ATG5: variants seen among roughly 807,000 people sequenced by gnomAD.
The protein encoded by ATG5 is autophagy related 5.
Under a neutral mutation model 36.5 loss-of-function variants are expected in ATG5, and 14 were observed. That is an observed-to-expected ratio of 0.38 (90% CI 0.25 to 0.60). The LOEUF (loss-of-function observed/expected upper bound fraction) is 0.60. Ranked by LOEUF, ATG5 falls within the 20% of genes least tolerant of loss-of-function variation. The probability of loss-of-function intolerance (pLI) is 0.60; values close to 1 mark genes in which losing one functional copy is unlikely to be tolerated. For synonymous variants in ATG5, 95 were observed against 101.5 expected (o/e 0.94, Z 0.38); for missense variants, 195 against 326.7 (o/e 0.60, Z 3.11).
At chr6:106,260,559 A>G (rs937544107) in intron 5 of ATG5, among the ~76,000 whole-genome samples, 6 of 152,208 alleles carry the variant, frequency 3.9e-5, no homozygotes, top group Non-Finnish European at 5.9e-5. Flanking sequence ...AAACGTGTTC[A>G]TTTTACCCCT....
At chr6:106,299,094 T>C (rs560199951) in intron 3 of ATG5, among the ~76,000 whole-genome samples, 1 of 152,328 alleles carries the variant, frequency 6.6e-6, no homozygotes, top group African/African-American at 2.4e-5. Flanking sequence ...GAAAAGCAAG[T>C]AGTAAGGATT....
At chr6:106,275,931 T>C (rs1299341859) in intron 5 of ATG5, among the ~76,000 whole-genome samples, 1 of 152,170 alleles carries the variant, frequency 6.6e-6, no homozygotes. Context: ...CCAACGACAA[T>C]ACATAAGTGA....
intron 5 of ATG5, among the ~76,000 whole-genome samples, chr6:106,277,158 A>G (rs534032313): frequency 1.1e-4 from 16 of 152,380 alleles, no homozygotes; most frequent in African/African-American, 3.6e-4. Context: ...TTGTAAAAGG[A>G]AAGTTTAACA....
At chr6:106,270,513 T>C (rs554823279) in intron 5 of ATG5, among the ~76,000 whole-genome samples, 2 of 152,366 alleles carry the variant, frequency 1.3e-5, no homozygotes, top group South Asian at 4.1e-4. Context: ...CATATTTCAT[T>C]GCTTTGTATG....
At chr6:106,269,703 G>A (rs1779375134) in intron 5 of ATG5, among the ~76,000 whole-genome samples, 1 of 152,206 alleles carries the variant, frequency 6.6e-6, no homozygotes. Context: ...CTCCGAGTGC[G>A]GGGTCCGCCA....
intron 3 of ATG5, among the ~76,000 whole-genome samples, chr6:106,298,918 G>T (rs1268742064): frequency 6.6e-6 from 1 of 152,096 alleles, no homozygotes; most frequent in Non-Finnish European, 1.5e-5. Context: ...TTACATCAAG[G>T]ATTTCAAAAG....
intron 1 of ATG5, among the ~76,000 whole-genome samples, chr6:106,321,429 G>A (rs1232379501): frequency 6.6e-6 from 1 of 151,778 alleles, no homozygotes; most frequent in Non-Finnish European, 1.5e-5. Context: ...CGCCATCTCG[G>A]CTCACTGCAA....
chr6:106,248,107 G>A lies in ATG5; in HGVS notation c.573+43C>T, dbSNP rs182866260. ...CTAGAGTGCTTCAATTAAGATGTCT[G>A]AGGCTTTCATAAATGGATGTTTTTT... On this transcript the variant is annotated intron_variant, in intron 6 of 7. Coordinates refer to ENST00000369076, the MANE Select transcript of ATG5 (RefSeq NM_004849.4). The A allele has an allele frequency of 2.3e-3, 3,361 of 1,447,886 alleles. 11 individuals are homozygous for A. Among genetic ancestry groups the A allele is most frequent in the Non-Finnish European group, 2.9e-3 (3,032 of 1,030,582 alleles). The allele number at this position is 1,447,886 out of a possible 1,614,324, so 89.7% of individuals were successfully genotyped here. A position where few individuals can be genotyped will look rare whatever the true frequency, so the allele number is the denominator to read the frequency against.
At chr6:106,292,019 G>C (rs553299975) in intron 4 of ATG5, among the ~76,000 whole-genome samples, 1 of 152,280 alleles carries the variant, frequency 6.6e-6, no homozygotes, top group Admixed American at 6.5e-5. Flanking sequence ...ACTATGAATG[G>C]ACACCCCGAT....
chr6:106,206,514 G>A (rs538032546), intron 6 of ATG5, among the ~76,000 whole-genome samples: 4 of 152,242 alleles, frequency 2.6e-5, no homozygotes, highest in Admixed American at 2.6e-4. Flanking sequence ...GCTGGGCATA[G>A]TTGTGGGCGC....
At chr6:106,223,221 T>C (rs983468111) in intron 6 of ATG5, among the ~76,000 whole-genome samples, 3 of 152,176 alleles carry the variant, frequency 2.0e-5, no homozygotes, top group African/African-American at 4.8e-5. Flanking sequence ...AAAAACAAAA[T>C]GGCAAATCAT....
chr6:106,198,869 A>C (rs1776308103), intron 7 of ATG5, among the ~76,000 whole-genome samples: 1 of 152,208 alleles, frequency 6.6e-6, no homozygotes, highest in Non-Finnish European at 1.5e-5. Flanking sequence ...GTATCTGATA[A>C]AGAACTTGTA....
At chr6:106,280,274 CA>C (rs71793771) in intron 4 of ATG5, among the ~76,000 whole-genome samples, 1,591 of 87,250 alleles carry the variant, frequency 0.018, 11 homozygotes, top group African/African-American at 0.048. Flanking sequence ...AGTATTATGT[CA>C]AAAAAAAAAA....
At position 106,293,052 on chromosome 6, in the gene ATG5, AG is replaced by A; in HGVS notation, c.290del (p.Pro97LeufsTer33). On this transcript the variant is annotated frameshift_variant, in exon 4 of 8. Transcript: ENST00000369076. LOFTEE classifies it high-confidence loss of function. ...FDLLASSSALPWNITVHFKSF... is the reference protein window; with the variant it reads ...FDLLASSSALXWNITVHFKSF... The stretch of plus-strand genomic sequence containing the variant: ...CCTTAAAATGTACTGTGATGTTCCA[AG>A]GAAGAGCTGAACTTGATGCAAGAAG... The A allele has an allele frequency of 6.2e-7, 1 of 1,613,634 alleles. No individual in the cohort carries two copies. Among genetic ancestry groups the A allele is most frequent in the East Asian group, 2.2e-5 (1 of 44,822 alleles).
intron 6 of ATG5, among the ~76,000 whole-genome samples, 157 bp downstream of exon 6, chr6:106,247,993 G>A (rs902348448): frequency 1.3e-5 from 2 of 152,094 alleles, no homozygotes; most frequent in African/African-American, 2.4e-5. Context: ...ATTTCAGTGC[G>A]GTATCTGACT....
At chr6:106,241,323 T>C (rs189831718) in intron 6 of ATG5, among the ~76,000 whole-genome samples, 2 of 152,318 alleles carry the variant, frequency 1.3e-5, no homozygotes, top group African/African-American at 4.8e-5. Flanking sequence ...TTAGGATGGC[T>C]AGTATGAAGA....
At chr6:106,310,646 T>G (rs889248322) in intron 2 of ATG5, among the ~76,000 whole-genome samples, 1 of 152,126 alleles carries the variant, frequency 6.6e-6, no homozygotes, top group Non-Finnish European at 1.5e-5. Context: ...ACTATCCATC[T>G]CCAGAACTTT....
intron 7 of ATG5, among the ~76,000 whole-genome samples, chr6:106,188,855 A>G (rs1458062189): frequency 1.3e-5 from 2 of 152,230 alleles, no homozygotes; most frequent in African/African-American, 4.8e-5. Flanking sequence ...TTTTAAATAT[A>G]TTATTTTGTC....
intron 6 of ATG5, among the ~76,000 whole-genome samples, chr6:106,243,878 T>A (rs1259599937): frequency 2.4e-5 from 3 of 125,230 alleles, no homozygotes; most frequent in East Asian, 2.5e-4. Flanking sequence ...TATATAAAAA[T>A]AAAACAAAGA....
Sources: gnomAD v4.1 joint callset for allele counts (sites outside exome capture counted in the v4.1 genomes callset) on GRCh38, gnomAD v4.1.1 for gene constraint, MANE v1.5 for transcripts, NCBI Gene and HGNC (gene_info 2026-07-23, HGNC 2026-07-21) for gene names.